TSG101: variants seen among roughly 807,000 people sequenced by gnomAD.
TSG101 encodes the protein tumor susceptibility 101.
Under a neutral mutation model 48.5 loss-of-function variants are expected in TSG101, and 19 were observed. That is an observed-to-expected ratio of 0.39 (90% CI 0.27 to 0.58). The LOEUF (loss-of-function observed/expected upper bound fraction) is 0.58. TSG101 is among the 20% of genes least tolerant of loss of function. The pLI, the probability that TSG101 is intolerant of heterozygous loss-of-function variation, is 0.55. For missense variants in TSG101, 365 were observed against 484.4 expected, an observed-to-expected ratio of 0.75 and a Z score of 2.31; for synonymous variants, 174 against 169.4, an observed-to-expected ratio of 1.03 and a Z score of -0.21.
Position 18,514,616 on chromosome 11 carries a change from C to A in TSG101, c.357+62G>T, listed in dbSNP as rs1457178449. ...ATCCTCCTTGAGTGCTAAAAGAAAG[C>A]AGATGCTAGTGAGCAAAATATATAA... On this transcript the variant is annotated intron_variant, in intron 4 of 9. Coordinates refer to ENST00000251968, the MANE Select transcript of TSG101 (RefSeq NM_006292.4). The A allele has an allele frequency of 3.6e-6, 5 of 1,388,618 alleles. No homozygotes were observed. In the Admixed American group the frequency reaches 1.4e-4, roughly 39 times the overall value. 86.0% of individuals were successfully genotyped at this position (1,388,618 alleles called of 1,614,324 possible).
chr11:18,519,437 C>A, intron 2 of TSG101, 82 bp downstream of exon 2: 1 of 1,221,602 alleles, frequency 8.2e-7, no homozygotes, highest in Admixed American at 2.1e-5. Context: ...ATCCACAAAC[C>A]TCAAATGGAA....
At chr11:18,497,800 A>T (rs1849807151) in intron 7 of TSG101, among the ~76,000 whole-genome samples, 1 of 152,156 alleles carries the variant, frequency 6.6e-6, no homozygotes, top group Non-Finnish European at 1.5e-5. Context: ...ATTTCATTAT[A>T]TTGTAGTTAC....
chr11:18,519,273 G>C (rs1462574490), intron 2 of TSG101, among the ~76,000 whole-genome samples: 1 of 151,992 alleles, frequency 6.6e-6, no homozygotes, highest in African/African-American at 2.4e-5. Flanking sequence ...CAAAGTGCTG[G>C]GATTACAGAA....
At chr11:18,516,717 G>C (rs976056637) in intron 2 of TSG101, among the ~76,000 whole-genome samples, 1 of 151,818 alleles carries the variant, frequency 6.6e-6, no homozygotes. Flanking sequence ...CGAGGCAGGT[G>C]GATCACCTGA....
At chr11:18,512,786 G>A (rs1850109415) in intron 4 of TSG101, among the ~76,000 whole-genome samples, 1 of 147,570 alleles carries the variant, frequency 6.8e-6, no homozygotes, top group South Asian at 2.2e-4. Context: ...GGAGTGCAGT[G>A]GTGCGATCTC....
intron 4 of TSG101, chr11:18,510,921 AC>A (rs1850070153): frequency 7.8e-6 from 1 of 128,892 alleles, no homozygotes; most frequent in African/African-American, 2.9e-5. Flanking sequence ...TTTCAAAAAA[AC>A]AAAAACAAAA....
intron 9 of TSG101, chr11:18,481,349 C>T (rs1216812311): frequency 8.7e-7 from 1 of 1,149,020 alleles, no homozygotes; most frequent in Non-Finnish European, 1.1e-6. Context: ...CTGATCGTAC[C>T]TCCTGATCCA....
chr11:18,523,646 G>A (rs1850318217), intron 1 of TSG101, among the ~76,000 whole-genome samples: 1 of 152,072 alleles, frequency 6.6e-6, no homozygotes, highest in Non-Finnish European at 1.5e-5. Context: ...GGGATTACAG[G>A]CGTGCGCCAC....
intron 1 of TSG101, among the ~76,000 whole-genome samples, chr11:18,521,225 T>TAA (rs1850267356): frequency 6.6e-6 from 1 of 152,024 alleles, no homozygotes; most frequent in African/African-American, 2.4e-5. Context: ...ACACTCAGCA[T>TAA]TTCACTGAAA....
At chr11:18,499,403 T>TATATATATATATATATATATATATA (rs1554970813) in intron 7 of TSG101, among the ~76,000 whole-genome samples, 2 of 6,848 alleles carry the variant, frequency 2.9e-4, no homozygotes, top group Non-Finnish European at 5.2e-4. Flanking sequence ...TATATATATA[T>TATATATATATATATATATATATATA]TTTTTTTTTT....
chr11:18,515,346 G>A (rs1850153464), intron 3 of TSG101, among the ~76,000 whole-genome samples: 1 of 152,126 alleles, frequency 6.6e-6, no homozygotes, highest in Non-Finnish European at 1.5e-5. Flanking sequence ...ATGAATAGCA[G>A]GTACTATGTG....
At chr11:18,496,087 C>G (rs1199327683) in intron 7 of TSG101, among the ~76,000 whole-genome samples, 1 of 152,178 alleles carries the variant, frequency 6.6e-6, no homozygotes, top group Non-Finnish European at 1.5e-5. Context: ...GAACACCATT[C>G]TCTTCTGGGT....
At chr11:18,525,642 T>A in intron 1 of TSG101, 1 of 980,630 alleles carries the variant, frequency 1.0e-6, no homozygotes, top group East Asian at 1.1e-4. Context: ...TATATAAAAG[T>A]TACAACATGG....
At chr11:18,510,448 T>C (rs1469660823) in intron 4 of TSG101, among the ~76,000 whole-genome samples, 5 of 152,064 alleles carry the variant, frequency 3.3e-5, no homozygotes, top group African/African-American at 9.7e-5. Flanking sequence ...AAATTATACG[T>C]AGATTCTAGC....
chr11:18,508,816 GGTTA>G (rs756177151), intron 5 of TSG101: 84 of 140,004 alleles, frequency 6.0e-4, no homozygotes, highest in Admixed American at 2.8e-3. Context: ...AAACAAGTTT[GGTTA>G]ATTATAATCT....
At chr11:18,514,579 A>T in intron 4 of TSG101, 99 bp downstream of exon 4, 1 of 1,000,484 alleles carries the variant, frequency 1.0e-6, no homozygotes, top group Non-Finnish European at 1.4e-6. Flanking sequence ...GAACTTATCT[A>T]TCCTACCTCG....
At chr11:18,510,454 C>T (rs1199424481) in intron 4 of TSG101, among the ~76,000 whole-genome samples, 1 of 152,130 alleles carries the variant, frequency 6.6e-6, no homozygotes, top group Non-Finnish European at 1.5e-5. Flanking sequence ...TACGTAGATT[C>T]TAGCTTAGAA....
At chr11:18,516,012 T>C (rs1850163461) in intron 3 of TSG101, 87 bp downstream of exon 3, 2 of 1,162,334 alleles carry the variant, frequency 1.7e-6, no homozygotes, top group Non-Finnish European at 2.4e-6. Context: ...CCTGAGAAAG[T>C]AGGTTTAATT....
At chr11:18,522,373 A>G (rs903858158) in intron 1 of TSG101, among the ~76,000 whole-genome samples, 1 of 152,192 alleles carries the variant, frequency 6.6e-6, no homozygotes, top group Admixed American at 6.5e-5. Flanking sequence ...GTATACATAC[A>G]TATCCTTCCA....
Sources: gnomAD v4.1 joint callset for allele counts (sites outside exome capture counted in the v4.1 genomes callset) on GRCh38, gnomAD v4.1.1 for gene constraint, MANE v1.5 for transcripts, NCBI Gene and HGNC (gene_info 2026-07-23, HGNC 2026-07-21) for gene names.